GABRG2: variants seen among roughly 807,000 people sequenced by gnomAD.
The protein encoded by GABRG2 is gamma-aminobutyric acid type A receptor subunit gamma2, also known as gamma-aminobutyric acid receptor subunit gamma-2.
A neutral mutation model predicts 56.4 loss-of-function variants in GABRG2; 16 were observed. That is an observed-to-expected ratio of 0.28 (90% CI 0.19 to 0.43). The LOEUF (loss-of-function observed/expected upper bound fraction) is 0.43, where lower values mean the gene tolerates loss of function less well. Among genes scored for constraint, GABRG2 ranks in the 20% least tolerant of loss-of-function variants. The pLI is 1.00. For synonymous variants in GABRG2, 208 were observed against 205.5 expected (o/e 1.01, Z -0.10); for missense variants, 327 against 582.7 (o/e 0.56, Z 4.52).
chr5:162,072,810 A>G (rs1005569472), intron 1 of GABRG2, among the ~76,000 whole-genome samples: 1 of 148,590 alleles, frequency 6.7e-6, no homozygotes, highest in Admixed American at 7.0e-5. Context: ...TGACTTACTT[A>G]AACATAATAG....
At chr5:162,115,020 C>T (rs1006345979) in intron 6 of GABRG2, among the ~76,000 whole-genome samples, 1 of 151,506 alleles carries the variant, frequency 6.6e-6, no homozygotes, top group Admixed American at 6.6e-5. Context: ...CAAACTGATA[C>T]TTTGTCCCTT....
chr5:162,117,309 T>A (rs560819082), intron 6 of GABRG2, among the ~76,000 whole-genome samples: 2 of 152,184 alleles, frequency 1.3e-5, no homozygotes, highest in African/African-American at 2.4e-5. Context: ...TTATTCGGTG[T>A]TAACTTCTAA....
intron 1 of GABRG2, among the ~76,000 whole-genome samples, chr5:162,076,761 G>A (rs533262536): frequency 3.3e-5 from 5 of 152,170 alleles, no homozygotes; most frequent in Admixed American, 1.3e-4. Flanking sequence ...AGAGTAATGA[G>A]GAAGGAAACA....
At chr5:162,076,809 A>T (rs1389608884) in intron 1 of GABRG2, among the ~76,000 whole-genome samples, 2 of 152,044 alleles carry the variant, frequency 1.3e-5, no homozygotes, top group East Asian at 3.9e-4. Flanking sequence ...GTCATGACTA[A>T]CTTTTCATTT....
Position 162,141,212 on chromosome 5 carries a change from AT to A in GABRG2, c.770-946del, listed in dbSNP as rs1764540160. ...CCACACCACCAGGCTAATTTTTTGT[AT>A]TTTTTAGTAGAGACGGGGTTTCACC... On this transcript the variant is annotated intron_variant, in intron 6 of 9. Transcript: ENST00000639213. Among the ~76,000 whole-genome samples, 4 of 151,710 alleles carry A rather than the reference AT, an allele frequency of 2.6e-5. No homozygotes were observed. In the East Asian group the frequency reaches 5.9e-4, roughly 22 times the overall value.
At chr5:162,095,686 A>C (rs1760948909) in intron 3 of GABRG2, 124 bp downstream of exon 3, 1 of 691,528 alleles carries the variant, frequency 1.4e-6, no homozygotes, top group South Asian at 1.6e-5. Flanking sequence ...GAAGTGAAAG[A>C]TAGTCTTCCA....
intron 6 of GABRG2, among the ~76,000 whole-genome samples, chr5:162,137,437 C>G (rs1042048556): frequency 1.3e-5 from 2 of 152,178 alleles, no homozygotes; most frequent in Admixed American, 1.3e-4. Flanking sequence ...TTTCCTCAAT[C>G]TGACAGGCTA....
chr5:162,104,689 T>G (rs957684299), intron 6 of GABRG2, among the ~76,000 whole-genome samples: 4 of 152,188 alleles, frequency 2.6e-5, no homozygotes, highest in Non-Finnish European at 5.9e-5. Context: ...TAGTGAGCAC[T>G]TGGTCATTAG....
At chr5:162,144,112 A>C (rs986313189) in intron 7 of GABRG2, among the ~76,000 whole-genome samples, 7 of 152,210 alleles carry the variant, frequency 4.6e-5, no homozygotes, top group Non-Finnish European at 1.0e-4. Flanking sequence ...ATTACTTGTC[A>C]CTATGAACAG....
At chr5:162,118,451 G>A (rs1253671630) in intron 6 of GABRG2, among the ~76,000 whole-genome samples, 1 of 151,846 alleles carries the variant, frequency 6.6e-6, no homozygotes, top group African/African-American at 2.4e-5. Flanking sequence ...TCCCATAACT[G>A]GACATATTAT....
intron 1 of GABRG2, among the ~76,000 whole-genome samples, chr5:162,081,043 T>G (rs900698702): frequency 6.6e-6 from 1 of 152,132 alleles, no homozygotes; most frequent in African/African-American, 2.4e-5. Flanking sequence ...TAAGGGATTC[T>G]CATAGAGACC....
At chr5:162,141,168 C>T (rs1008789151) in intron 6 of GABRG2, among the ~76,000 whole-genome samples, 3 of 151,996 alleles carry the variant, frequency 2.0e-5, no homozygotes, top group African/African-American at 7.2e-5. Context: ...TCCCGAGTAG[C>T]TGGGACTACA....
chr5:162,090,615 C>A (rs572797000), intron 1 of GABRG2, among the ~76,000 whole-genome samples: 1 of 152,060 alleles, frequency 6.6e-6, no homozygotes, highest in South Asian at 2.1e-4. Context: ...GACACTATCA[C>A]TCAGAAACTA....
intron 6 of GABRG2, among the ~76,000 whole-genome samples, chr5:162,107,347 A>C (rs1761910124): frequency 6.6e-6 from 1 of 152,196 alleles, no homozygotes; most frequent in Non-Finnish European, 1.5e-5. Flanking sequence ...ATACTCTTAC[A>C]CTTTAAGTGC....
At chr5:162,123,374 A>T (rs1253668297) in intron 6 of GABRG2, among the ~76,000 whole-genome samples, 1 of 134,530 alleles carries the variant, frequency 7.4e-6, no homozygotes, top group African/African-American at 2.8e-5. Context: ...ACCTTTATTT[A>T]TCTAATTATC....
chr5:162,074,662 A>G (rs868838632), intron 1 of GABRG2, among the ~76,000 whole-genome samples: 1 of 152,082 alleles, frequency 6.6e-6, no homozygotes, highest in African/African-American at 2.4e-5. Flanking sequence ...CTTTTTTATA[A>G]ATTGCTTTTG....
intron 1 of GABRG2, among the ~76,000 whole-genome samples, chr5:162,078,383 ATATATATATATATATTTTTTT>A (rs1759325473): frequency 3.4e-5 from 1 of 29,130 alleles, no homozygotes; most frequent in South Asian, 1.6e-3. Flanking sequence ...ATATATATAT[ATATATATATATATATTTTTTT>A]TTTTTTTTTT....
intron 6 of GABRG2, among the ~76,000 whole-genome samples, chr5:162,105,685 C>T (rs1362990637): frequency 1.3e-5 from 2 of 151,862 alleles, no homozygotes; most frequent in Admixed American, 1.3e-4. Context: ...CTGCCTCAGC[C>T]TCTCAAACTG....
At chr5:162,112,368 C>A (rs530252951) in intron 6 of GABRG2, among the ~76,000 whole-genome samples, 1 of 151,428 alleles carries the variant, frequency 6.6e-6, no homozygotes, top group African/African-American at 2.4e-5. Flanking sequence ...ACTAATAGAT[C>A]TCTAATAAAC....
Sources: allele counts gnomAD v4.1 joint callset (sites outside exome capture counted in the v4.1 genomes callset), GRCh38; gene constraint gnomAD v4.1.1; transcripts MANE v1.5; gene names NCBI Gene and HGNC (gene_info 2026-07-23, HGNC 2026-07-21).